The following DACH2 variants were observed in gnomAD, a reference collection of about 807,000 sequenced individuals.
DACH2 encodes dachshund homolog 2.
Under a neutral mutation model 35.8 loss-of-function variants are expected in DACH2, and 17 were observed. The ratio of observed to expected loss-of-function variants is 0.48; its 90% CI spans 0.33 to 0.71. The LOEUF is 0.71. Ranked by LOEUF, DACH2 falls within the 30% of genes least tolerant of loss-of-function variation. The pLI, the probability that DACH2 is intolerant of heterozygous loss-of-function variation, is 0.02. For missense variants in DACH2, 469 were observed against 472.7 expected (o/e 0.99, Z 0.07); for synonymous variants, 195 against 177.3 (o/e 1.10, Z -0.79).
At chrX:86,761,127 A>G (rs1182764135) in intron 7 of DACH2, among the ~76,000 whole-genome samples, 1 of 111,120 alleles carries the variant, frequency 9.0e-6, no homozygotes, top group African/African-American at 3.3e-5. Flanking sequence ...TGCTGCACCT[A>G]TCAACCCATC....
intron 6 of DACH2, among the ~76,000 whole-genome samples, chrX:86,734,220 A>G (rs763622057): frequency 3.9e-4 from 43 of 111,060 alleles, no homozygotes; most frequent in Non-Finnish European, 6.4e-4. Context: ...CACATAGGTC[A>G]CACAAAGGGT....
At chrX:86,694,939 A>C in intron 4 of DACH2, 82 bp from the exon 5 acceptor site, 1 of 735,152 alleles carries the variant, frequency 1.4e-6, no homozygotes, top group Admixed American at 4.6e-5. Flanking sequence ...AGTATTCATG[A>C]TTACAGCCCT....
chrX:86,749,873 G>T (rs1424429595), intron 7 of DACH2, among the ~76,000 whole-genome samples: 1 of 111,014 alleles, frequency 9.0e-6, no homozygotes, highest in East Asian at 2.8e-4. Flanking sequence ...TTTAATTTCA[G>T]ATTGCTCACT....
At chrX:86,288,299 A>G (rs1266172639) in intron 1 of DACH2, among the ~76,000 whole-genome samples, 1 of 111,901 alleles carries the variant, frequency 8.9e-6, no homozygotes, top group Admixed American at 9.4e-5. Flanking sequence ...AACTACCTCT[A>G]TGGCCACCAC....
In DACH2 at chrX:86,345,493, A is replaced by G. The variant is rs767491615; in HGVS notation, c.489-31331A>G. The stretch of plus-strand genomic sequence containing the variant: ...GGAGGGAGAGAGGGAGAAAGTTATG[A>G]GGAAGGAATAAAGGAAAGAAGCAAA... On this transcript the variant is annotated intron_variant, in intron 1 of 11. Coordinates refer to ENST00000373125, the MANE Select transcript of DACH2 (RefSeq NM_053281.3). 1.1e-5 allele frequency: 3 copies of G among 262,636 alleles called. No individual in the cohort carries two copies. In the East Asian group the frequency reaches 3.7e-4, roughly 32 times the overall value. The allele number at this position is 262,636 out of a possible 1,213,427, so 21.6% of individuals were successfully genotyped here.
chrX:86,491,545 C>A (rs2038092836), intron 2 of DACH2, among the ~76,000 whole-genome samples: 1 of 111,689 alleles, frequency 9.0e-6, no homozygotes, highest in Non-Finnish European at 1.9e-5. Context: ...ATTTTCATAG[C>A]ATTTTCAGAG....
chrX:86,430,525 C>T (rs1165844302), intron 2 of DACH2, among the ~76,000 whole-genome samples: 3 of 112,161 alleles, frequency 2.7e-5, no homozygotes, highest in Non-Finnish European at 3.8e-5. Flanking sequence ...CGTGACAATG[C>T]GTTTCCAAAT....
chrX:86,819,005 A>C (rs1317686471), intron 11 of DACH2, among the ~76,000 whole-genome samples: 1 of 106,521 alleles, frequency 9.4e-6, no homozygotes, highest in Non-Finnish European at 1.9e-5. Flanking sequence ...TATATTTACT[A>C]TATATAGTAT....
At chrX:86,219,618 T>C (rs887948936) in intron 1 of DACH2, among the ~76,000 whole-genome samples, 4 of 111,689 alleles carry the variant, frequency 3.6e-5, no homozygotes, top group African/African-American at 1.3e-4. Context: ...TCTGTGCATA[T>C]GTACATTGAA....
chrX:86,579,878 G>T lies in DACH2; in HGVS notation c.640+65487G>T, dbSNP rs531433752. Among the ~76,000 whole-genome samples the T allele has an allele frequency of 2.7e-5, 3 of 112,203 alleles. No homozygotes were observed. The Admixed American group carries it at 2.8e-4, about 11-fold the overall frequency. The stretch of plus-strand genomic sequence containing the variant: ...TGCTATACCACCACAGCCTACATGC[G>T]TGCAGCCTGCCGTGCTGCCATGGCT... On this transcript the variant is annotated intron_variant, in intron 3 of 11. Transcript: ENST00000373125.
At chrX:86,308,089 T>C (rs914364035) in intron 1 of DACH2, among the ~76,000 whole-genome samples, 1 of 112,248 alleles carries the variant, frequency 8.9e-6, no homozygotes, top group African/African-American at 3.2e-5. Context: ...CTTAGGAAGA[T>C]TGGGATCGTA....
chrX:86,513,462 C>A (rs1306308507), intron 2 of DACH2, among the ~76,000 whole-genome samples: 1 of 107,847 alleles, frequency 9.3e-6, no homozygotes, highest in East Asian at 2.8e-4. Flanking sequence ...ATTTTCAGTA[C>A]CCTAACTCTA....
chrX:86,673,204 G>A (rs747755061), intron 4 of DACH2, among the ~76,000 whole-genome samples: 11 of 109,970 alleles, frequency 1.0e-4, no homozygotes, highest in South Asian at 4.0e-4. Context: ...AGGTGTGGTG[G>A]TGGGCGTCTG....
At chrX:86,331,358 T>G (rs1422576594) in intron 1 of DACH2, among the ~76,000 whole-genome samples, 1 of 110,899 alleles carries the variant, frequency 9.0e-6, no homozygotes, top group Non-Finnish European at 1.9e-5. Flanking sequence ...AACAGCAGGG[T>G]CACTTGGATA....
chrX:86,617,445 A>G (rs935163554), intron 3 of DACH2, among the ~76,000 whole-genome samples: 1 of 110,951 alleles, frequency 9.0e-6, no homozygotes, highest in Non-Finnish European at 1.9e-5. Flanking sequence ...GTCTTCTCTG[A>G]TTTATTTTAG....
At chrX:86,666,258 G>A (rs1419050109) in intron 4 of DACH2, among the ~76,000 whole-genome samples, 2 of 108,897 alleles carry the variant, frequency 1.8e-5, no homozygotes, top group Non-Finnish European at 3.8e-5. Context: ...GTTAATAAAG[G>A]CATTCATATA....
chrX:86,407,681 T>C (rs1479085175), intron 2 of DACH2, among the ~76,000 whole-genome samples: 1 of 112,255 alleles, frequency 8.9e-6, no homozygotes, highest in Non-Finnish European at 1.9e-5. Flanking sequence ...GTGATGCAGA[T>C]TTTTTTAAGG....
chrX:86,325,101 A>AT (rs2035089770), intron 1 of DACH2, among the ~76,000 whole-genome samples: 1 of 110,562 alleles, frequency 9.0e-6, no homozygotes, highest in Admixed American at 9.6e-5. Flanking sequence ...GAAAGAAAAA[A>AT]AATTGTGACT....
intron 2 of DACH2, among the ~76,000 whole-genome samples, chrX:86,389,754 TTAA>T (rs1422316677): frequency 4.5e-5 from 5 of 112,112 alleles, no homozygotes; most frequent in Admixed American, 1.9e-4. Flanking sequence ...GATAAACTAC[TTAA>T]TAATGTAAAA....
Sources: gnomAD v4.1 joint callset for allele counts (sites outside exome capture counted in the v4.1 genomes callset) on GRCh38, gnomAD v4.1.1 for gene constraint, MANE v1.5 for transcripts, NCBI Gene and HGNC (gene_info 2026-07-23, HGNC 2026-07-21) for gene names.